Variants in ENTREP2 observed in about 807,000 individuals in gnomAD.
ENTREP2 encodes protein ENTREP2.
At chr15:29,463,605 T>C in the ENTREP2 span, among the ~76,000 whole-genome samples, 11 of 152,330 alleles carry the variant, frequency 7.2e-5, no homozygotes, top group East Asian at 1.2e-3. Context: ...GATTTTTTTT[T>C]CCTGCTACCC....
chr15:29,186,255 A>G, the ENTREP2 span, among the ~76,000 whole-genome samples: 2 of 152,220 alleles, frequency 1.3e-5, no homozygotes, highest in Non-Finnish European at 2.9e-5. Flanking sequence ...GCTGGAAGGA[A>G]GGAGGGACTG....
At chr15:29,486,958 A>T in the ENTREP2 span, among the ~76,000 whole-genome samples, 1 of 152,186 alleles carries the variant, frequency 6.6e-6, no homozygotes, top group Non-Finnish European at 1.5e-5. Flanking sequence ...GGAAGCATGA[A>T]TTCTGGTGTT....
At chr15:29,664,968 C>T in the ENTREP2 span, among the ~76,000 whole-genome samples, 74 of 152,310 alleles carry the variant, frequency 4.9e-4, no homozygotes, top group South Asian at 1.7e-3. Context: ...TTCAAGTCTC[C>T]GGTTTTCTGA....
the ENTREP2 span, among the ~76,000 whole-genome samples, chr15:29,311,567 G>C: frequency 6.6e-6 from 1 of 152,132 alleles, no homozygotes; most frequent in East Asian, 1.9e-4. Context: ...GTGCACATCT[G>C]TAATCCCAGC....
At chr15:29,171,658 G>A in the ENTREP2 span, among the ~76,000 whole-genome samples, 9 of 152,122 alleles carry the variant, frequency 5.9e-5, no homozygotes, top group East Asian at 1.9e-4. Flanking sequence ...ATGTAAAGGC[G>A]ATTAGGTACT....
chr15:29,317,309 C>T, the ENTREP2 span, among the ~76,000 whole-genome samples: 8,962 of 152,230 alleles, frequency 0.059, 842 homozygotes, highest in African/African-American at 0.2. Context: ...TAAAACTTTG[C>T]TGACATATTC....
the ENTREP2 span, among the ~76,000 whole-genome samples, chr15:29,205,830 C>G: frequency 6.6e-6 from 1 of 152,172 alleles, no homozygotes; most frequent in Non-Finnish European, 1.5e-5. Context: ...TTGTAGGTTT[C>G]CATCACTTTC....
chr15:29,645,275 A>C, the ENTREP2 span, among the ~76,000 whole-genome samples: 1 of 152,220 alleles, frequency 6.6e-6, no homozygotes, highest in Non-Finnish European at 1.5e-5. Context: ...ATTAAGTCTA[A>C]ATGGTGAAAA....
At chr15:29,336,120 C>T in the ENTREP2 span, among the ~76,000 whole-genome samples, 2 of 111,806 alleles carry the variant, frequency 1.8e-5, no homozygotes, top group African/African-American at 3.5e-5. Flanking sequence ...CCAGCCTGGG[C>T]GACAGAGCGA....
chr15:29,661,646 A>T, the ENTREP2 span, among the ~76,000 whole-genome samples: 1 of 152,250 alleles, frequency 6.6e-6, no homozygotes, highest in Admixed American at 6.5e-5. Context: ...AATTCAGTAG[A>T]ATATTTAATG....
At chr15:29,350,578 T>C in the ENTREP2 span, among the ~76,000 whole-genome samples, 7 of 152,218 alleles carry the variant, frequency 4.6e-5, no homozygotes, top group Admixed American at 2.6e-4. Context: ...ATGTGAAAAG[T>C]AACTGAAAAC....
At chr15:29,630,881 CCAT>C in the ENTREP2 span, among the ~76,000 whole-genome samples, 2 of 152,150 alleles carry the variant, frequency 1.3e-5, no homozygotes, top group Admixed American at 6.5e-5. Context: ...CGGGATTTCA[CCAT>C]GTTGGCCAGG....
chr15:29,643,543 GAGGCGGA>G, the ENTREP2 span, among the ~76,000 whole-genome samples: 7 of 152,184 alleles, frequency 4.6e-5, no homozygotes, highest in African/African-American at 1.7e-4. Context: ...AGCACTTTGG[GAGGCGGA>G]AGCAGGTGGA....
the ENTREP2 span, among the ~76,000 whole-genome samples, chr15:29,557,254 CAGGTGAAGAGACTT>C: frequency 1.3e-5 from 2 of 152,134 alleles, no homozygotes; most frequent in African/African-American, 4.8e-5. Flanking sequence ...AGGGCTCTTT[CAGGTGAAGAGACTT>C]AGATCAATAC....
chr15:29,460,858 A>C, the ENTREP2 span, among the ~76,000 whole-genome samples: 1 of 152,198 alleles, frequency 6.6e-6, no homozygotes, highest in Non-Finnish European at 1.5e-5. Flanking sequence ...TTAGTAAGCC[A>C]TTGGTGGTGT....
the ENTREP2 span, among the ~76,000 whole-genome samples, chr15:29,449,638 T>C: frequency 6.6e-6 from 1 of 152,124 alleles, no homozygotes; most frequent in Admixed American, 6.5e-5. Flanking sequence ...AGACAAAAAC[T>C]TTAATATTAA....
the ENTREP2 span, among the ~76,000 whole-genome samples, chr15:29,226,673 C>T: frequency 2.0e-5 from 3 of 152,252 alleles, no homozygotes; most frequent in South Asian, 2.1e-4. Context: ...GGGGCTCTTC[C>T]GAGGACCCTG....
At chr15:29,446,499 C>T in the ENTREP2 span, among the ~76,000 whole-genome samples, 1 of 152,300 alleles carries the variant, frequency 6.6e-6, no homozygotes, top group Non-Finnish European at 1.5e-5. Flanking sequence ...AGACAATACG[C>T]ACAGAGCAAA....
At chr15:29,606,253 T>TA in the ENTREP2 span, among the ~76,000 whole-genome samples, 3 of 146,148 alleles carry the variant, frequency 2.1e-5, no homozygotes, top group Non-Finnish European at 4.5e-5. Flanking sequence ...TTTTTTTTTT[T>TA]AGATGGGGTC....
Sources: gnomAD v4.1 joint callset for allele counts (sites outside exome capture counted in the v4.1 genomes callset) on GRCh38, gnomAD v4.1.1 for gene constraint, MANE v1.5 for transcripts, NCBI Gene and HGNC (gene_info 2026-07-23, HGNC 2026-07-21) for gene names.